The following ZNF680 variants were observed in gnomAD, a reference collection of about 807,000 sequenced individuals.
ZNF680 encodes the protein hypothetical protein FLJ90430.
Under a neutral mutation model 12.1 loss-of-function variants are expected in ZNF680, and 6 were observed. That is an observed-to-expected ratio of 0.49 (90% CI 0.27 to 0.98). ZNF680 has a LOEUF of 0.98. ZNF680 is among the 50% of genes least tolerant of loss of function. The pLI, the probability that ZNF680 is intolerant of heterozygous loss-of-function variation, is 0.12. For missense variants in ZNF680, 561 were observed against 616.3 expected (o/e 0.91, Z 0.95); for synonymous variants, 170 against 199.3 (o/e 0.85, Z 1.24).
chr7:64,550,587 C>A (rs1787023546), intron 1 of ZNF680, among the ~76,000 whole-genome samples: 1 of 152,184 alleles, frequency 6.6e-6, no homozygotes, highest in Admixed American at 6.5e-5. Flanking sequence ...ACTCAATGCA[C>A]ACGTTACTCT....
chr7:64,522,141 T>A lies in ZNF680; in HGVS notation c.613A>T (p.Thr205Ser), dbSNP rs757700699. 2 of 1,612,330 alleles carry A rather than the reference T, an allele frequency of 1.2e-6. No homozygotes were observed. Among genetic ancestry groups the A allele is most frequent in the Non-Finnish European group, 1.7e-6 (2 of 1,179,040 alleles). ...TCACATTTGTAAGAATTCTCTCTAG[T>A]GTGAATTCTTATATGTTGTGTTAGA... ...SHLTQHIRIH[T>S]RENSYKCEEC... The change falls in exon 4 of 4, where the codon ACT becomes TCT. Residue 205 changes from threonine to serine, a missense_variant. By Grantham distance (58) the Thr-to-Ser change is moderately conservative. Coordinates refer to ENST00000309683, the MANE Select transcript of ZNF680 (RefSeq NM_178558.5).
intron 3 of ZNF680, among the ~76,000 whole-genome samples, chr7:64,532,316 A>G (rs1785931106): frequency 6.6e-6 from 1 of 151,984 alleles, no homozygotes; most frequent in East Asian, 1.9e-4. Flanking sequence ...AAAAAAAAAA[A>G]GAAAAGAAGA....
chr7:64,508,142 T>TATATATATAC, the ZNF680 span, among the ~76,000 whole-genome samples: 25 of 112,120 alleles, frequency 2.2e-4, 1 homozygote, highest in East Asian at 4.1e-3. Context: ...TATATATATA[T>TATATATATAC]ACATAATTTT....
intron 3 of ZNF680, among the ~76,000 whole-genome samples, chr7:64,538,868 C>T (rs1786322413): frequency 6.6e-6 from 1 of 152,112 alleles, no homozygotes; most frequent in South Asian, 2.1e-4. Context: ...CAGTGGCTCA[C>T]ACCTGTAATC....
At chr7:64,560,479 C>T (rs1212911107) in intron 1 of ZNF680, among the ~76,000 whole-genome samples, 1 of 152,198 alleles carries the variant, frequency 6.6e-6, no homozygotes, top group African/African-American at 2.4e-5. Context: ...CCCTAGATAG[C>T]TAGCATTCTA....
intron 2 of ZNF680, 152 bp downstream of exon 2, chr7:64,544,153 AT>A: frequency 8.3e-7 from 1 of 1,202,922 alleles, no homozygotes; most frequent in Non-Finnish European, 1.1e-6. Flanking sequence ...TACTGAAGGA[AT>A]TTTTTTCTAC....
At chr7:64,506,252 A>G in the ZNF680 span, among the ~76,000 whole-genome samples, 1 of 140,734 alleles carries the variant, frequency 7.1e-6, no homozygotes, top group South Asian at 2.2e-4. Flanking sequence ...GCTTGAGTGC[A>G]GGGGCGCCGG....
the ZNF680 span, among the ~76,000 whole-genome samples, chr7:64,510,384 T>A: frequency 6.6e-6 from 1 of 152,050 alleles, no homozygotes; most frequent in South Asian, 2.1e-4. Flanking sequence ...AAAGCTTTAG[T>A]AAAAACACCT....
chr7:64,545,480 G>A (rs1028862196), intron 1 of ZNF680, among the ~76,000 whole-genome samples: 1 of 152,078 alleles, frequency 6.6e-6, no homozygotes, highest in Non-Finnish European at 1.5e-5. Flanking sequence ...TTGTCAGACA[G>A]CTCTTTAGCC....
chr7:64,529,479 T>A (rs1342157499), intron 3 of ZNF680, among the ~76,000 whole-genome samples: 1 of 151,844 alleles, frequency 6.6e-6, no homozygotes, highest in East Asian at 1.9e-4. Flanking sequence ...CAATCAAAAC[T>A]TCAGGAAACA....
At chr7:64,546,199 T>C (rs1244776051) in intron 1 of ZNF680, among the ~76,000 whole-genome samples, 1 of 152,042 alleles carries the variant, frequency 6.6e-6, no homozygotes, top group Non-Finnish European at 1.5e-5. Context: ...CTGAGACAGG[T>C]TTAAGTAAAA....
chr7:64,531,219 A>G (rs999407029), intron 3 of ZNF680, among the ~76,000 whole-genome samples: 3 of 152,216 alleles, frequency 2.0e-5, no homozygotes, highest in African/African-American at 7.2e-5. Context: ...AAGATAGACC[A>G]TATGATAGGC....
the ZNF680 span, among the ~76,000 whole-genome samples, chr7:64,505,773 C>CTTTT: frequency 3.2e-3 from 475 of 146,928 alleles, 3 homozygotes; most frequent in Non-Finnish European, 3.9e-3. Context: ...AATTAGACTC[C>CTTTT]TTTTTTTTTT....
rs1187872173 is a variant in ZNF680, at chr7:64,561,934, C to CAAAAAAAAAAAAAAAAAAAAAA, written c.30+990_30+991insTTTTTTTTTTTTTTTTTTTTTT. Among the ~76,000 whole-genome samples the CAAAAAAAAAAAAAAAAAAAAAA allele has an allele frequency of 5.7e-4, 46 of 80,302 alleles. 2 individuals are homozygous for CAAAAAAAAAAAAAAAAAAAAAA. The highest frequency in any genetic ancestry group is 9.4e-4 in the Non-Finnish European group (35 of 37,366). The allele number at this position is 80,302 out of a possible 152,430, so 52.7% of individuals were successfully genotyped here. A position where few individuals can be genotyped will look rare whatever the true frequency, so the allele number is the denominator to read the frequency against. ...TGGGCGACAGAGCAAGACTCCGTCT[C>CAAAAAAAAAAAAAAAAAAAAAA]AAAAAAAAAAAAAATTTACATTAGG... On this transcript the variant is annotated intron_variant, in intron 1 of 3. Transcript: ENST00000309683.
intron 3 of ZNF680, chr7:64,524,990 T>C (rs1360584118): frequency 1.3e-5 from 2 of 152,168 alleles, no homozygotes; most frequent in East Asian, 1.9e-4. Flanking sequence ...AATTTACAGA[T>C]TTAATGCAAT....
At chr7:64,548,663 G>A (rs117151910) in intron 1 of ZNF680, among the ~76,000 whole-genome samples, 1,920 of 152,138 alleles carry the variant, frequency 0.013, 23 homozygotes, top group Non-Finnish European at 0.018. Context: ...GTCTTACACT[G>A]AGACAGAAGC....
chr7:64,550,805 T>A (rs908536180), intron 1 of ZNF680, among the ~76,000 whole-genome samples: 1 of 152,108 alleles, frequency 6.6e-6, no homozygotes, highest in Admixed American at 6.6e-5. Context: ...AGCACAATTG[T>A]GAGCTGACTG....
At position 64,522,345 on chromosome 7, in the gene ZNF680, C is replaced by G; in HGVS notation, c.409G>C (p.Glu137Gln). 1 of 1,612,984 alleles carries G rather than the reference C, an allele frequency of 6.2e-7. No individual in the cohort carries two copies. The highest frequency in any genetic ancestry group is 8.5e-7 in the Non-Finnish European group (1 of 1,179,428). Residue 137 changes from glutamate (E) to glutamine (Q), a missense_variant, in exon 4 of 4, where the codon GAA becomes CAA. Transcript: ENST00000309683. ...CATTGGTTAAGTTCATTATAACCTT[C>G]TTTGAACACCTTAGACTCATCCACA... ...KSVDESKVFK[E>Q]GYNELNQCLR...
chr7:64,521,610 C>G lies in ZNF680; in HGVS notation c.1144G>C (p.Glu382Gln). Residue 382 changes from glutamate to glutamine, a missense_variant, in exon 4 of 4, where the codon GAA becomes CAA. By Grantham distance (29) the Glu-to-Gln change is conservative. Transcript: ENST00000309683. ...HTGEKSYKCE[E>Q]CGKAFIQSSN... ...GACTGTATAAAAGCTTTGCCGCATT[C>G]TTCACATTTGTAGGATTTCTCTCCA... is the stretch of plus-strand genomic sequence containing the variant. 6.2e-7 allele frequency: 1 copy of G among 1,612,088 alleles called. No individual in the cohort carries two copies. Among genetic ancestry groups the G allele is most frequent in the Non-Finnish European group, 8.5e-7 (1 of 1,179,608 alleles).
Sources: gnomAD v4.1 joint callset for allele counts (sites outside exome capture counted in the v4.1 genomes callset) on GRCh38, gnomAD v4.1.1 for gene constraint, MANE v1.5 for transcripts, NCBI Gene and HGNC (gene_info 2026-07-23, HGNC 2026-07-21) for gene names.